PCNX3: variants seen among roughly 807,000 people sequenced by gnomAD.
The protein encoded by PCNX3 is pecanex 3.
Under a neutral mutation model 207.2 loss-of-function variants are expected in PCNX3, and 58 were observed. The ratio of observed to expected loss-of-function variants is 0.28; its 90% CI spans 0.23 to 0.35. The LOEUF (loss-of-function observed/expected upper bound fraction) is 0.35, where lower values mean the gene tolerates loss of function less well. Ranked by LOEUF, PCNX3 falls within the 10% of genes least tolerant of loss-of-function variation. PCNX3 has a pLI of 1.00. For synonymous variants in PCNX3, 1,337 were observed against 1,183.5 expected (o/e 1.13, Z -2.66); for missense variants, 2,410 against 2,774.4 (o/e 0.87, Z 2.95).
At chr11:65,626,479 CATGTTTCTTGA>C (rs1855398330) in intron 20 of PCNX3, 1 of 393,942 alleles carries the variant, frequency 2.5e-6, no homozygotes, top group Admixed American at 3.7e-5. Context: ...TATGAAGATC[CATGTTTCTTGA>C]GTTTTTCTTA....
rs1313787510 is a variant in PCNX3, at chr11:65,616,320, G to A, written c.9G>A (p.Ser3=). 2 of 1,586,536 alleles carry A rather than the reference G, an allele frequency of 1.3e-6. No individual in the cohort carries two copies. The highest frequency in any genetic ancestry group is 1.7e-6 in the Non-Finnish European group (2 of 1,170,430). Residue 3 remains serine, a synonymous_variant, in exon 1 of 35, where the codon TCG becomes TCA. Coordinates refer to ENST00000355703, the MANE Select transcript of PCNX3 (RefSeq NM_032223.4). MG[S]QVLQILRQGV... The stretch of plus-strand genomic sequence containing the variant: ...GCAGCAGCGGCGGGGCCATGGGGTC[G>A]CAGGTGTTGCAGATCCTGCGCCAGG...
At chr11:65,619,515 T>C (rs768080070) in intron 6 of PCNX3, 22 bp from the exon 7 acceptor site, 5 of 1,610,104 alleles carry the variant, frequency 3.1e-6, no homozygotes, top group Admixed American at 1.7e-5. Context: ...TCACTTACAC[T>C]TGGGGGCCTC....
rs761954153 is a variant in PCNX3 at position 65,634,988 on chromosome 11, C to G, written c.4821C>G (p.Leu1607=). 6.8e-6 allele frequency: 11 copies of G among 1,613,464 alleles called. No individual in the cohort carries two copies. Among genetic ancestry groups the G allele is most frequent in the Non-Finnish European group, 7.6e-6 (9 of 1,179,602 alleles). Residue 1607 remains leucine, a synonymous_variant, in exon 30 of 35, where the codon CTC becomes CTG. Coordinates refer to ENST00000355703, the MANE Select transcript of PCNX3 (RefSeq NM_032223.4). ...HSMSASLEPF[L]YGLHALFKGD... is the part of the protein sequence containing the mutation. Reference sequence around the variant, plus strand: ...TCCCACTTAGCCTGGAGCCCTTCCTCTACGGCCTGCACGCCCTGTTCAAGG... The same window carrying G: ...TCCCACTTAGCCTGGAGCCCTTCCTGTACGGCCTGCACGCCCTGTTCAAGG...
At position 65,618,676 on chromosome 11, in the gene PCNX3, G is replaced by T; in HGVS notation, c.1314G>T (p.Ser438=). 1.2e-6 allele frequency: 2 copies of T among 1,613,246 alleles called. No homozygotes were observed. The highest frequency in any genetic ancestry group is 2.2e-5 in the East Asian group (1 of 44,868). ...SELSPASSLR[S]QRRYSTDSSS... is the part of the protein sequence containing the mutation. ...TGAGCCCGGCCTCCAGTCTCCGATC[G>T]CAGCGCCGCTACAGTACTGACAGCT... Residue 438 remains serine, a synonymous_variant, in exon 6 of 35, where the codon TCG becomes TCT. Transcript: ENST00000355703.
intron 10 of PCNX3, 138 bp from the exon 11 acceptor site, chr11:65,622,107 C>A: frequency 7.1e-7 from 1 of 1,410,574 alleles, no homozygotes; most frequent in Non-Finnish European, 9.3e-7. Context: ...CCTTTATGTG[C>A]TGATGGAAAT....
chr11:65,623,097 G>A (rs567267194), intron 11 of PCNX3, among the ~76,000 whole-genome samples: 4 of 152,324 alleles, frequency 2.6e-5, no homozygotes, highest in East Asian at 3.9e-4. Context: ...GTGGCTTCCC[G>A]TCCATCTGGG....
intron 20 of PCNX3, 130 bp downstream of exon 20, chr11:65,626,184 T>C (rs913084453): frequency 6.3e-6 from 8 of 1,264,990 alleles, no homozygotes; most frequent in Non-Finnish European, 7.8e-6. Flanking sequence ...CCCTTTCTGC[T>C]CCCTCCCTGC....
intron 3 of PCNX3, 53 bp downstream of exon 3, chr11:65,617,402 C>T: frequency 6.2e-7 from 1 of 1,613,584 alleles, no homozygotes; most frequent in Non-Finnish European, 8.5e-7. Context: ...GAGCCAGTCC[C>T]TACTGTGGGT....
In PCNX3 at chr11:65,628,836, G is replaced by C; in HGVS notation, c.3829G>C (p.Val1277Leu). 6.2e-7 allele frequency: 1 copy of C among 1,611,840 alleles called. No homozygotes were observed. The highest frequency in any genetic ancestry group is 1.1e-5 in the South Asian group (1 of 91,030). ...TGGCTCAGACTCGGCCATGCTGTTCGTCCAGGCCCTGCTCTCGGGGCTCTT... is the reference window on the plus strand; with the variant it reads ...TGGCTCAGACTCGGCCATGCTGTTCCTCCAGGCCCTGCTCTCGGGGCTCTT... ...FAVPHSAMLF[V>L]QALLSGLFST... Residue 1277 changes from valine (V) to leucine (L), a missense_variant, in exon 24 of 35, where the codon GTC (valine) becomes CTC (leucine). Physicochemically the swap from Val to Leu is conservative, Grantham distance 32 (BLOSUM62 1). This residue lies in a region of PCNX3 where 420 missense variants were observed against 705.3 expected (regional missense o/e 0.60). Transcript: ENST00000355703.
rs969522321 is a variant in PCNX3 at position 65,619,184 on chromosome 11, C to T, written c.1705+117C>T. The T allele has an allele frequency of 4.2e-5, 38 of 898,634 alleles. No homozygotes were observed. In the African/African-American group the frequency reaches 4.8e-4, roughly 11 times the overall value. 55.7% of individuals were successfully genotyped at this position (898,634 alleles called of 1,614,324 possible). On this transcript the variant is annotated intron_variant, in intron 6 of 34. Transcript: ENST00000355703. Reference sequence around the variant, plus strand: ...TCAGCTCAGCCTCGGTTGTAGGCAGCAGATGGACGTGGGCCTGGTGGTGAT... The same window carrying T: ...TCAGCTCAGCCTCGGTTGTAGGCAGTAGATGGACGTGGGCCTGGTGGTGAT...
At chr11:65,620,730 G>A (rs957193731) in intron 9 of PCNX3, 101 bp from the exon 10 acceptor site, 34 of 1,485,396 alleles carry the variant, frequency 2.3e-5, no homozygotes, top group South Asian at 9.9e-5. Flanking sequence ...GGTTGGTCTC[G>A]GCACAGACAG....
In PCNX3 at chr11:65,616,910, G is replaced by T; in HGVS notation, c.240G>T (p.Arg80=). ...IFATIKTVNY[R]LHAMFDQGEI... is the part of the protein sequence containing the mutation. ...CTACTATCAAGACTGTCAATTATCG[G>T]CTTCATGCCATGTTTGACCAGGGCG... Residue 80 remains arginine (R), a synonymous_variant, in exon 2 of 35, where the codon CGG becomes CGT. Coordinates refer to ENST00000355703, the MANE Select transcript of PCNX3 (RefSeq NM_032223.4). The T allele has an allele frequency of 6.2e-7, 1 of 1,613,608 alleles. No individual in the cohort carries two copies. The highest frequency in any genetic ancestry group is 8.5e-7 in the Non-Finnish European group (1 of 1,179,864).
At chr11:65,629,021 C>T in intron 24 of PCNX3, 73 bp downstream of exon 24, 1 of 1,572,682 alleles carries the variant, frequency 6.4e-7, no homozygotes, top group Non-Finnish European at 8.6e-7. Context: ...GGCTGGAGGC[C>T]ACCCACAGAG....
intron 27 of PCNX3, among the ~76,000 whole-genome samples, chr11:65,630,956 T>C (rs528145323): frequency 6.6e-6 from 1 of 152,336 alleles, no homozygotes; most frequent in South Asian, 2.1e-4. Flanking sequence ...TTAACGATCA[T>C]CATGGGAGCA....
chr11:65,631,966 A>AC (rs1855632999), intron 27 of PCNX3, among the ~76,000 whole-genome samples: 1 of 152,042 alleles, frequency 6.6e-6, no homozygotes, highest in Non-Finnish European at 1.5e-5. Flanking sequence ...GATTTGTGAG[A>AC]CCACCCCCCT....
chr11:65,625,866 C>T lies in PCNX3; in HGVS notation c.3229-38C>T. The T allele has an allele frequency of 6.2e-7, 1 of 1,604,416 alleles. No homozygotes were observed. The highest frequency in any genetic ancestry group is 8.5e-7 in the Non-Finnish European group (1 of 1,174,694). ...TGGCCCTCTGTGGTCCCTTGGCCTG[C>T]TCCCATCAGCTGAGTCTCTGGCCTC... On this transcript the variant is annotated intron_variant, in intron 19 of 34. Transcript: ENST00000355703. The surrounding 1 kb of genome is among the most constrained non-coding windows in gnomAD (Gnocchi z 5.6).
Position 65,634,154 on chromosome 11 carries a change from C to T in PCNX3, c.4499C>T (p.Pro1500Leu). 1 of 1,613,180 alleles carries T rather than the reference C, an allele frequency of 6.2e-7. No individual in the cohort carries two copies. Among genetic ancestry groups the T allele is most frequent in the Non-Finnish European group, 8.5e-7 (1 of 1,179,804 alleles). ...ATCATCTACTACGTGAGCCGCTCAC[C>T]AAAGCTGGAGGTGTGGCTCAGCCAT... The part of the protein sequence containing the change: ...KSIIYYVSRS[P>L]KLEVWLSHEG... The change falls in exon 28 of 35, where the codon CCA becomes CTA. Residue 1500 changes from proline to leucine, a missense_variant. Pro to Leu is a moderately conservative substitution (Grantham distance 98). Transcript: ENST00000355703.
At position 65,616,012 on chromosome 11, in the gene PCNX3, C is replaced by T. The variant is rs1024338330; in HGVS notation, c.-300C>T. ...GCCGCCGACGGGTACCCGGCCCGTGCCCCGCGCCTGCCTGCCGGCTCGGCC... is the reference window on the plus strand; with the variant it reads ...GCCGCCGACGGGTACCCGGCCCGTGTCCCGCGCCTGCCTGCCGGCTCGGCC... On this transcript the variant is annotated 5_prime_UTR_variant, in exon 1 of 35. Transcript: ENST00000355703. The T allele has an allele frequency of 1.8e-5, 4 of 226,844 alleles. No individual in the cohort carries two copies. Among genetic ancestry groups the T allele is most frequent in the Non-Finnish European group, 3.4e-5 (4 of 117,130 alleles). The allele number at this position is 226,844 out of a possible 1,614,324, so 14.1% of individuals were successfully genotyped here.
Position 65,626,963 on chromosome 11 carries a change from T to C in PCNX3, c.3439T>C (p.Tyr1147His), listed in dbSNP as rs1855424500. The change falls in exon 21 of 35, where the codon TAC becomes CAC. Residue 1147 changes from tyrosine to histidine, a missense_variant. Physicochemically the swap from Tyr to His is moderately conservative, Grantham distance 83 (BLOSUM62 2). Coordinates refer to ENST00000355703, the MANE Select transcript of PCNX3 (RefSeq NM_032223.4). ...TGCTGGCCTGCAGTGCGTAGAGAAGTACCTCATCTACCCCGCCGTGGTGCT... is the reference window on the plus strand; with the variant it reads ...TGCTGGCCTGCAGTGCGTAGAGAAGCACCTCATCTACCCCGCCGTGGTGCT... ...LYAGLQCVEKYLIYPAVVLNA... is the reference protein window; with the variant it reads ...LYAGLQCVEKHLIYPAVVLNA... 6.4e-7 allele frequency: 1 copy of C among 1,568,992 alleles called. No individual in the cohort carries two copies. The highest frequency in any genetic ancestry group is 8.6e-7 in the Non-Finnish European group (1 of 1,157,132).
Sources: allele counts gnomAD v4.1 joint callset (sites outside exome capture counted in the v4.1 genomes callset), GRCh38; gene constraint gnomAD v4.1.1; regional missense constraint gnomAD v4.1.1; non-coding constraint Gnocchi (gnomAD v3.1); transcripts MANE v1.5; gene names NCBI Gene and HGNC (gene_info 2026-07-23, HGNC 2026-07-21).